ATP9B: variants seen among roughly 807,000 people sequenced by gnomAD.
ATP9B encodes the protein probable phospholipid-transporting ATPase IIB.
A neutral mutation model predicts 146.1 loss-of-function variants in ATP9B; 110 were observed. The observed-to-expected ratio is 0.75, with a 90% CI of 0.65 to 0.88. The LOEUF (loss-of-function observed/expected upper bound fraction) is 0.88. Among genes scored for constraint, ATP9B ranks in the 40% least tolerant of loss-of-function variants. ATP9B has a pLI of 0.00. For missense variants in ATP9B, 1,499 were observed against 1,496.4 expected (o/e 1.00, Z -0.03); for synonymous variants, 604 against 569.7 (o/e 1.06, Z -0.86).
rs546118141 is a variant in ATP9B, at chr18:79,249,840, AAAAAT to A, written c.1108-3526_1108-3522del. Among the ~76,000 whole-genome samples, 849 of 152,360 alleles carry A rather than the reference AAAAAT, an allele frequency of 5.6e-3. 7 individuals are homozygous for A. Among genetic ancestry groups the A allele is most frequent in the African/African-American group, 0.019 (804 of 41,584 alleles). ...TTTTCTTCTGTTTTGTTAGAATTGA[AAAAAT>A]AAAATAAAATAAAAGCAACCTACAA... On this transcript the variant is annotated intron_variant, in intron 11 of 29. Transcript: ENST00000426216.
At chr18:79,192,581 C>G (rs568274020) in intron 8 of ATP9B, among the ~76,000 whole-genome samples, 4 of 152,274 alleles carry the variant, frequency 2.6e-5, no homozygotes, top group Non-Finnish European at 5.9e-5. Context: ...AACCCTATGT[C>G]TTTTCTGCTC....
intron 8 of ATP9B, among the ~76,000 whole-genome samples, chr18:79,179,726 G>A (rs1023138264): frequency 6.6e-6 from 1 of 152,156 alleles, no homozygotes; most frequent in Admixed American, 6.5e-5. Flanking sequence ...AACTCTCTGG[G>A]TCAGTATTCC....
intron 2 of ATP9B, among the ~76,000 whole-genome samples, chr18:79,105,546 A>G (rs1022172417): frequency 6.6e-6 from 1 of 152,186 alleles, no homozygotes; most frequent in African/African-American, 2.4e-5. Flanking sequence ...CCCAACTTGG[A>G]CACTTTGAAA....
intron 6 of ATP9B, chr18:79,146,430 TGTGGAGAGTGACCGAAG>T: frequency 9.3e-6 from 1 of 107,674 alleles, no homozygotes; most frequent in Non-Finnish European, 1.7e-5. Context: ...GAGCTGGCGG[TGTGGAGAGTGACCGAAG>T]GTGCAGGCTG....
intron 7 of ATP9B, among the ~76,000 whole-genome samples, chr18:79,166,671 G>C (rs570218374): frequency 7.9e-5 from 12 of 152,334 alleles, no homozygotes; most frequent in Middle Eastern, 3.4e-3. Flanking sequence ...ATGAAGCTTG[G>C]AAGTCCAACT....
intron 3 of ATP9B, 69 bp downstream of exon 3, chr18:79,110,574 G>C: frequency 1.4e-6 from 2 of 1,442,464 alleles, no homozygotes; most frequent in Non-Finnish European, 1.9e-6. Context: ...CTATAGGATG[G>C]AGCCTGTTGA....
intron 8 of ATP9B, among the ~76,000 whole-genome samples, chr18:79,186,366 C>T (rs1316133094): frequency 6.6e-6 from 1 of 152,024 alleles, no homozygotes; most frequent in African/African-American, 2.4e-5. Flanking sequence ...TTTAAATTAT[C>T]GTGAAAAGCT....
intron 15 of ATP9B, among the ~76,000 whole-genome samples, chr18:79,310,225 A>C (rs1313408755): frequency 6.6e-6 from 1 of 152,200 alleles, no homozygotes; most frequent in East Asian, 1.9e-4. Flanking sequence ...CGCCATGAGG[A>C]GGCGGAGCTG....
intron 13 of ATP9B, among the ~76,000 whole-genome samples, chr18:79,300,590 C>T (rs762599083): frequency 3.3e-5 from 5 of 152,084 alleles, no homozygotes; most frequent in East Asian, 1.9e-4. Context: ...GACTTGAGCC[C>T]GGGGCTGCGG....
chr18:79,128,485 G>A (rs1278771171), intron 5 of ATP9B, among the ~76,000 whole-genome samples: 1 of 152,122 alleles, frequency 6.6e-6, no homozygotes, highest in Non-Finnish European at 1.5e-5. Flanking sequence ...TTTCTCCATG[G>A]AGTTGAAAAA....
intron 14 of ATP9B, 61 bp from the exon 15 acceptor site, chr18:79,306,925 A>T (rs2096622976): frequency 1.3e-6 from 2 of 1,563,596 alleles, no homozygotes; most frequent in African/African-American, 1.4e-5. Flanking sequence ...TAATAATTCC[A>T]TGTTAACTAG....
chr18:79,360,368 T>G (rs2096980766), intron 26 of ATP9B: 1 of 151,998 alleles, frequency 6.6e-6, no homozygotes, highest in African/African-American at 2.4e-5. Flanking sequence ...AGAATTAGAT[T>G]AGGCATTAAA....
At chr18:79,327,566 G>GTGGTTAGCGTGCTCTCTCCA (rs2096758675) in intron 15 of ATP9B, among the ~76,000 whole-genome samples, 1 of 119,848 alleles carries the variant, frequency 8.3e-6, no homozygotes, top group African/African-American at 4.1e-5. Flanking sequence ...CGTGCTCTCC[G>GTGGTTAGCGTGCTCTCTCCA]TGGTTAGCGT....
At chr18:79,334,509 T>C (rs910325158) in intron 17 of ATP9B, among the ~76,000 whole-genome samples, 4 of 152,086 alleles carry the variant, frequency 2.6e-5, no homozygotes, top group Non-Finnish European at 4.4e-5. Context: ...TAGTAATCAA[T>C]TGTAGGGCCT....
intron 1 of ATP9B, among the ~76,000 whole-genome samples, chr18:79,086,882 A>G (rs183583146): frequency 2.2e-4 from 34 of 152,154 alleles, no homozygotes; most frequent in African/African-American, 7.5e-4. Context: ...GTCAAGGCAT[A>G]TTTTTCAGGC....
chr18:79,204,507 C>T (rs1004454945), intron 9 of ATP9B, among the ~76,000 whole-genome samples: 1 of 152,080 alleles, frequency 6.6e-6, no homozygotes, highest in Non-Finnish European at 1.5e-5. Context: ...TCAGGTTTTC[C>T]ACTTAAAAAT....
chr18:79,250,644 G>A (rs1331724129), intron 11 of ATP9B, among the ~76,000 whole-genome samples: 1 of 152,204 alleles, frequency 6.6e-6, no homozygotes, highest in Non-Finnish European at 1.5e-5. Flanking sequence ...TGAAGTAGCG[G>A]AAATTGCACG....
At chr18:79,234,713 T>A (rs1241555952) in intron 11 of ATP9B, among the ~76,000 whole-genome samples, 2 of 152,148 alleles carry the variant, frequency 1.3e-5, no homozygotes, top group Non-Finnish European at 2.9e-5. Context: ...GCATGCTTGC[T>A]GTGGGCTTGC....
chr18:79,231,778 G>GTATACATA (rs1555777767), intron 11 of ATP9B, among the ~76,000 whole-genome samples: 1 of 121,296 alleles, frequency 8.2e-6, no homozygotes, highest in African/African-American at 3.3e-5. Flanking sequence ...GTGTGTGTGT[G>GTATACATA]TATATATATA....
Sources: gnomAD v4.1 joint callset for allele counts (sites outside exome capture counted in the v4.1 genomes callset) on GRCh38, gnomAD v4.1.1 for gene constraint, MANE v1.5 for transcripts, NCBI Gene and HGNC (gene_info 2026-07-23, HGNC 2026-07-21) for gene names.